Variants in APCDD1 observed in about 807,000 individuals in gnomAD.
APCDD1 encodes APC down-regulated 1.
A neutral mutation model predicts 38.1 loss-of-function variants in APCDD1; 15 were observed. That is an observed-to-expected ratio of 0.39 (90% CI 0.26 to 0.61). The LOEUF (loss-of-function observed/expected upper bound fraction) is 0.61. APCDD1 is among the 20% of genes least tolerant of loss of function. The probability of loss-of-function intolerance (pLI) is 0.49; values close to 1 mark genes in which losing one functional copy is unlikely to be tolerated. For missense variants in APCDD1, 647 were observed against 696.2 expected, an observed-to-expected ratio of 0.93 and a Z score of 0.79; for synonymous variants, 261 against 279.7, an observed-to-expected ratio of 0.93 and a Z score of 0.67.
Position 10,471,678 on chromosome 18 carries a change from C to A in APCDD1, c.391C>A (p.Arg131Ser). Residue 131 changes from arginine (R) to serine (S), a missense_variant, in exon 3 of 5, where the codon CGC (arginine) becomes AGC (serine). Arg to Ser is a moderately radical substitution (Grantham distance 110, BLOSUM62 -1). Transcript: ENST00000355285. This position sits in a 1 kb window ranked among gnomAD's most constrained non-coding sequence, Gnocchi z 5.5. ...CATCATCCGGGGCAAGATCCGCCTC[C>A]GCCAGGCCTCCTGGATCATCCGAGG... ...TLIIRGKIRL[R>S]QASWIIRGGT... The A allele has an allele frequency of 2.5e-6, 4 of 1,614,186 alleles. No individual in the cohort carries two copies. Among genetic ancestry groups the A allele is most frequent in the Non-Finnish European group, 1.7e-6 (2 of 1,180,052 alleles).
intron 1 of APCDD1, 64 bp from the exon 2 acceptor site, chr18:10,468,405 T>C: frequency 6.4e-7 from 1 of 1,565,106 alleles, no homozygotes; most frequent in South Asian, 1.1e-5. Context: ...GAGGTGGTTG[T>C]TTGGCCTGAT....
intron 3 of APCDD1, among the ~76,000 whole-genome samples, chr18:10,482,140 TTC>T (rs2031155831): frequency 2.6e-5 from 4 of 152,134 alleles, no homozygotes; most frequent in African/African-American, 9.7e-5. Context: ...CTTATTTCAT[TTC>T]TCTCTCCCAC....
intron 1 of APCDD1, among the ~76,000 whole-genome samples, chr18:10,455,646 A>G (rs1213408649): frequency 1.3e-5 from 2 of 152,158 alleles, no homozygotes; most frequent in African/African-American, 2.4e-5. Context: ...GGGGACCCCT[A>G]TTAGCCAAGA....
chr18:10,466,993 C>T (rs2030732310), intron 1 of APCDD1, among the ~76,000 whole-genome samples: 1 of 152,158 alleles, frequency 6.6e-6, no homozygotes, highest in South Asian at 2.1e-4. Context: ...GCTGTCTTTC[C>T]ATCTCAAAGC....
chr18:10,481,963 C>T (rs541379981), intron 3 of APCDD1, among the ~76,000 whole-genome samples: 44 of 152,240 alleles, frequency 2.9e-4, no homozygotes, highest in Non-Finnish European at 4.0e-4. Context: ...CTCAGGACCC[C>T]GGCCTCATTA....
rs1446221551 is a variant in APCDD1, at chr18:10,488,035, ATAGAAGTTT to A, written c.*3_*11del. ...CTCTGCTGCATTGGAACATCCGCAG[ATAGAAGTTT>A]TAGAAAGTTCTATTTTTCCAAACCA... On this transcript the variant is annotated stop_retained_variant and 3_prime_UTR_variant, in exon 5 of 5. Transcript: ENST00000355285. The A allele has an allele frequency of 6.2e-7, 1 of 1,613,600 alleles. No individual in the cohort carries two copies. The highest frequency in any genetic ancestry group is 1.1e-5 in the South Asian group (1 of 91,088).
At position 10,489,382 on chromosome 18, in the gene APCDD1, C is replaced by T. The variant is rs114515136; in HGVS notation, c.*1344C>T. 5.4e-3 allele frequency: 815 copies of T among 152,288 alleles called. 2 individuals are homozygous for T. Among genetic ancestry groups the T allele is most frequent in the African/African-American group, 0.018 (747 of 41,560 alleles). 9.4% of individuals were successfully genotyped at this position (152,288 alleles called of 1,614,324 possible). ...AAAGCAAACATGGAAACCATGATCACGGCAAAGAGCCATCCTTGTATTTAA... is the reference window on the plus strand; with the variant it reads ...AAAGCAAACATGGAAACCATGATCATGGCAAAGAGCCATCCTTGTATTTAA... On this transcript the variant is annotated 3_prime_UTR_variant, in exon 5 of 5. Transcript: ENST00000355285.
rs1005645666 is a variant in APCDD1 at position 10,475,798 on chromosome 18, G to GT, written c.774+3737_774+3738insT. On this transcript the variant is annotated intron_variant, in intron 3 of 4. Transcript: ENST00000355285. The surrounding 1 kb of genome is among the most constrained non-coding windows in gnomAD (Gnocchi z 4.0). ...GCTGCCTCGCAAGATGGCTGAGGGG[G>GT]GGGGGGGTCAGTGGAAGGCCGAGTG... The GT allele has an allele frequency of 4.0e-5, 6 of 151,808 alleles. No homozygotes were observed. Among genetic ancestry groups the GT allele is most frequent in the African/African-American group, 1.5e-4 (6 of 41,092 alleles). The allele number at this position is 151,808 out of a possible 1,614,324, so 9.4% of individuals were successfully genotyped here.
At chr18:10,483,481 A>G (rs1278836287) in intron 3 of APCDD1, among the ~76,000 whole-genome samples, 1 of 152,220 alleles carries the variant, frequency 6.6e-6, no homozygotes, top group Non-Finnish European at 1.5e-5. Context: ...GTGCAACTCT[A>G]TGCCCATCTA....
chr18:10,478,472 C>T (rs1004821018), intron 3 of APCDD1, among the ~76,000 whole-genome samples: 4 of 152,186 alleles, frequency 2.6e-5, no homozygotes, highest in Admixed American at 2.6e-4. Context: ...GTTGGAGAGC[C>T]AAGATCAAGG....
At position 10,467,743 on chromosome 18, in the gene APCDD1, T is replaced by TG. The variant is rs36089263; in HGVS notation, c.59-719dup. Among the ~76,000 whole-genome samples the TG allele has an allele frequency of 4.6e-4, 69 of 151,554 alleles. No individual in the cohort carries two copies. The highest frequency in any genetic ancestry group is 1.4e-3 in the African/African-American group (58 of 40,964). On this transcript the variant is annotated intron_variant, in intron 1 of 4. Coordinates refer to ENST00000355285, the MANE Select transcript of APCDD1 (RefSeq NM_153000.5). The surrounding 1 kb of genome is among the most constrained non-coding windows in gnomAD (Gnocchi z 4.8). ...TGAGGGGCTGGACTTGGAAGATAAT[T>TG]GGGGGGGAAATGTCACACCACGTCC...
chr18:10,481,077 A>G (rs1238058363), intron 3 of APCDD1, among the ~76,000 whole-genome samples: 1 of 152,240 alleles, frequency 6.6e-6, no homozygotes, highest in Non-Finnish European at 1.5e-5. Context: ...GATGTGGAGA[A>G]ATTGGAACCT....
At chr18:10,480,518 T>G (rs566792664) in intron 3 of APCDD1, among the ~76,000 whole-genome samples, 1 of 152,270 alleles carries the variant, frequency 6.6e-6, no homozygotes, top group South Asian at 2.1e-4. Context: ...GTAGCTAAAA[T>G]TGTCCCCTCG....
chr18:10,481,034 G>T (rs776342394), intron 3 of APCDD1, among the ~76,000 whole-genome samples: 3 of 152,126 alleles, frequency 2.0e-5, no homozygotes, highest in African/African-American at 4.8e-5. Flanking sequence ...AATACAAAAC[G>T]ATCAAAACTA....
chr18:10,471,934 A>T lies in APCDD1; in HGVS notation c.647A>T (p.Lys216Met). ...GAACTTCAGCTCATCCGGGTGGAGA[A>T]GCAGTACCTTCACCACAACCTCGAC... ...MHELQLIRVE[K>M]QYLHHNLDHL... The change falls in exon 3 of 5, where the codon AAG becomes ATG. Residue 216 changes from lysine (K) to methionine (M), a missense_variant. Lys to Met is a moderately conservative substitution (Grantham distance 95). Coordinates refer to ENST00000355285, the MANE Select transcript of APCDD1 (RefSeq NM_153000.5). This position sits in a 1 kb window ranked among gnomAD's most constrained non-coding sequence, Gnocchi z 5.5. 2 of 1,614,138 alleles carry T rather than the reference A, an allele frequency of 1.2e-6. No individual in the cohort carries two copies. Among genetic ancestry groups the T allele is most frequent in the South Asian group, 2.2e-5 (2 of 91,082 alleles).
At chr18:10,478,593 G>A (rs2031061264) in intron 3 of APCDD1, among the ~76,000 whole-genome samples, 1 of 152,176 alleles carries the variant, frequency 6.6e-6, no homozygotes, top group Non-Finnish European at 1.5e-5. Flanking sequence ...AGAACTCTCA[G>A]GCCTCTTTTA....
intron 4 of APCDD1, among the ~76,000 whole-genome samples, chr18:10,486,742 A>C (rs1011408567): frequency 2.6e-4 from 39 of 152,186 alleles, no homozygotes; most frequent in African/African-American, 8.9e-4. Context: ...AAATGGTGTC[A>C]GCCCTATCAT....
chr18:10,468,703 A>C, intron 2 of APCDD1, 51 bp downstream of exon 2: 1 of 1,585,038 alleles, frequency 6.3e-7, no homozygotes, highest in Non-Finnish European at 8.7e-7. Flanking sequence ...ACCACTATGG[A>C]AGACCCTTCT....
chr18:10,483,824 A>T (rs903663484), intron 3 of APCDD1, among the ~76,000 whole-genome samples: 1 of 152,194 alleles, frequency 6.6e-6, no homozygotes, highest in South Asian at 2.1e-4. Flanking sequence ...GCCTGATCCG[A>T]TCGGCACGTG....
Sources: gnomAD v4.1 joint callset for allele counts (sites outside exome capture counted in the v4.1 genomes callset) on GRCh38, gnomAD v4.1.1 for gene constraint, Gnocchi (gnomAD v3.1) non-coding constraint, MANE v1.5 for transcripts, NCBI Gene and HGNC (gene_info 2026-07-23, HGNC 2026-07-21) for gene names.